BAZ1B: variants seen among roughly 807,000 people sequenced by gnomAD.
The protein encoded by BAZ1B is bromodomain adjacent to zinc finger domain 1B.
Under a neutral mutation model 153.8 loss-of-function variants are expected in BAZ1B, and 22 were observed. The observed-to-expected ratio is 0.14, with a 90% CI of 0.10 to 0.20. The LOEUF is 0.20. BAZ1B is among the 10% of genes least tolerant of loss of function. BAZ1B has a pLI of 1.00. For missense variants in BAZ1B, 1,325 were observed against 1,799.3 expected (o/e 0.74, Z 4.77); for synonymous variants, 676 against 633.4 (o/e 1.07, Z -1.01).
At chr7:73,509,859 G>A (rs921281202) in intron 2 of BAZ1B, among the ~76,000 whole-genome samples, 7 of 152,076 alleles carry the variant, frequency 4.6e-5, no homozygotes, top group African/African-American at 1.7e-4. Flanking sequence ...GGGTGCAGTG[G>A]TTCACGCCTG....
intron 3 of BAZ1B, among the ~76,000 whole-genome samples, chr7:73,501,773 G>A (rs1405368495): frequency 2.6e-5 from 4 of 151,830 alleles, no homozygotes; most frequent in Non-Finnish European, 2.9e-5. Flanking sequence ...CTTAAATGTT[G>A]CCTCCTCAGA....
intron 6 of BAZ1B, 43 bp downstream of exon 6, chr7:73,489,151 A>C (rs1554574983): frequency 6.4e-7 from 1 of 1,569,340 alleles, no homozygotes; most frequent in South Asian, 1.1e-5. Context: ...CAGAGAAATA[A>C]TGATGCTTTA....
rs1789260470 is a variant in BAZ1B at position 73,483,006 on chromosome 7, TCCCC to T, written c.892-4441_892-4438del. ...ACTTATGTGCTAACAGTGCTCCCTA[TCCCC>T]CACTCAGCACAGTTAATCTACCAGA... On this transcript the variant is annotated intron_variant, in intron 6 of 19. Coordinates refer to ENST00000339594, the MANE Select transcript of BAZ1B (RefSeq NM_032408.4). 3.9e-5 allele frequency among the ~76,000 whole-genome samples: 6 copies of T among 151,964 alleles called. No homozygotes were observed. The South Asian group carries it at 1.2e-3, about 32-fold the overall frequency.
rs1413955438 is a variant in BAZ1B at position 73,463,198 on chromosome 7, C to G, written c.3072-99G>C. 4.9e-6 allele frequency: 5 copies of G among 1,021,942 alleles called. No individual in the cohort carries two copies. The Admixed American group carries it at 1.2e-4, about 25-fold the overall frequency. The allele number at this position is 1,021,942 out of a possible 1,614,324, so 63.3% of individuals were successfully genotyped here. On this transcript the variant is annotated intron_variant, in intron 11 of 19. Transcript: ENST00000339594. ...ACATGTTTTATTTCTAGAAAACTTACTTAGATCTCTTTCACCTCTCCCTGG... is the reference window on the plus strand; with the variant it reads ...ACATGTTTTATTTCTAGAAAACTTAGTTAGATCTCTTTCACCTCTCCCTGG...
At chr7:73,494,522 A>G (rs1789797424) in intron 4 of BAZ1B, among the ~76,000 whole-genome samples, 1 of 152,228 alleles carries the variant, frequency 6.6e-6, no homozygotes, top group African/African-American at 2.4e-5. Flanking sequence ...AGGTGGGGAG[A>G]CTGCTTGAGC....
chr7:73,492,159 AT>A lies in BAZ1B; in HGVS notation c.693+640del, dbSNP rs1267887804. Reference sequence around the variant, plus strand: ...AGGCGTGCGCCACCACACCTGGCAAATTTTTTTTTGTTTTGTTTTTTGAGAA... The same window carrying A: ...AGGCGTGCGCCACCACACCTGGCAAATTTTTTTTGTTTTGTTTTTTGAGAA... On this transcript the variant is annotated intron_variant, in intron 5 of 19. Transcript: ENST00000339594. Among the ~76,000 whole-genome samples, 85 of 140,968 alleles carry A rather than the reference AT, an allele frequency of 6.0e-4. No individual in the cohort carries two copies. In the South Asian group the frequency reaches 0.013, roughly 22 times the overall value. 92.5% of individuals were successfully genotyped at this position (140,968 alleles called of 152,430 possible).
chr7:73,463,183 T>G, intron 11 of BAZ1B, 84 bp from the exon 12 acceptor site: 2 of 1,321,862 alleles, frequency 1.5e-6, no homozygotes, highest in Non-Finnish European at 1.0e-6. Flanking sequence ...ACATGTTTTA[T>G]TTCTAGAAAA....
chr7:73,475,710 G>A (rs1157924638), intron 7 of BAZ1B, among the ~76,000 whole-genome samples: 2 of 152,068 alleles, frequency 1.3e-5, no homozygotes, highest in Non-Finnish European at 2.9e-5. Flanking sequence ...TGAGGCGGGT[G>A]GATCAGGAGT....
intron 4 of BAZ1B, among the ~76,000 whole-genome samples, chr7:73,496,693 A>G (rs576406037): frequency 3.9e-5 from 6 of 152,284 alleles, no homozygotes; most frequent in Non-Finnish European, 8.8e-5. Flanking sequence ...TAGAGTCTCC[A>G]GGTCCCTAGG....
intron 5 of BAZ1B, among the ~76,000 whole-genome samples, chr7:73,489,907 A>G (rs1166463470): frequency 1.3e-5 from 2 of 152,238 alleles, no homozygotes; most frequent in African/African-American, 4.8e-5. Context: ...CCTTTCAGCA[A>G]TTCCTCTCGT....
chr7:73,498,585 A>G lies in BAZ1B; in HGVS notation c.483T>C (p.Ser161=), dbSNP rs782455299. Residue 161 remains serine, a synonymous_variant, in exon 4 of 20, where the codon AGT becomes AGC. Transcript: ENST00000339594. ...KSDGACDSPS[S]DKENSSQIAQ... Reference sequence around the variant, plus strand: ...CAATCTGACTGGAGTTCTCTTTGTCACTTGATGGAGAATCACAGGCACCAT... The same window carrying G: ...CAATCTGACTGGAGTTCTCTTTGTCGCTTGATGGAGAATCACAGGCACCAT... 6.8e-6 allele frequency: 11 copies of G among 1,613,914 alleles called. No homozygotes were observed. Among genetic ancestry groups the G allele is most frequent in the Non-Finnish European group, 9.3e-6 (11 of 1,179,996 alleles).
At chr7:73,460,512 A>C (rs1248968522) in intron 12 of BAZ1B, among the ~76,000 whole-genome samples, 3 of 152,026 alleles carry the variant, frequency 2.0e-5, no homozygotes, top group African/African-American at 7.2e-5. Flanking sequence ...TTTTAAAGAG[A>C]TAGGTCTCAC....
intron 13 of BAZ1B, among the ~76,000 whole-genome samples, chr7:73,451,354 C>T (rs1457035470): frequency 1.3e-5 from 2 of 152,214 alleles, no homozygotes. Context: ...TACCACAACA[C>T]CACCAATCCA....
At chr7:73,478,668 T>A (rs1432335374) in intron 6 of BAZ1B, 99 bp from the exon 7 acceptor site, 7 of 977,854 alleles carry the variant, frequency 7.2e-6, no homozygotes, top group Non-Finnish European at 1.0e-5. Context: ...GCTATTCAGG[T>A]AAAGCTACAT....
At position 73,452,281 on chromosome 7, in the gene BAZ1B, G is replaced by A. The variant is rs1313801047; in HGVS notation, c.3433-1287C>T. 2.0e-5 allele frequency among the ~76,000 whole-genome samples: 3 copies of A among 152,056 alleles called. No individual in the cohort carries two copies. In the East Asian group the frequency reaches 5.8e-4, roughly 29 times the overall value. On this transcript the variant is annotated intron_variant, in intron 13 of 19. Coordinates refer to ENST00000339594, the MANE Select transcript of BAZ1B (RefSeq NM_032408.4). ...TAACAGTACTTTCATCAGTTTTACT[G>A]CTGAACAATATCTCATTGAATAGAC... is the stretch of plus-strand genomic sequence containing the variant.
At chr7:73,447,630 A>G (rs1448297436) in intron 15 of BAZ1B, among the ~76,000 whole-genome samples, 2 of 152,216 alleles carry the variant, frequency 1.3e-5, no homozygotes, top group African/African-American at 4.8e-5. Context: ...ACCAAAGGCA[A>G]CAGAAATTAA....
At chr7:73,460,192 G>GAAA (rs782211272) in intron 12 of BAZ1B, among the ~76,000 whole-genome samples, 36 of 73,862 alleles carry the variant, frequency 4.9e-4, no homozygotes, top group African/African-American at 1.6e-3. Context: ...CCGTCTCAGG[G>GAAA]AAAAAAAAAA....
chr7:73,447,139 G>T, intron 16 of BAZ1B, 125 bp downstream of exon 16: 1 of 1,554,814 alleles, frequency 6.4e-7, no homozygotes, highest in Non-Finnish European at 8.8e-7. Flanking sequence ...TTACGCCACA[G>T]TCACAACACA....
At chr7:73,479,510 A>AG (rs1370880008) in intron 6 of BAZ1B, among the ~76,000 whole-genome samples, 3 of 144,214 alleles carry the variant, frequency 2.1e-5, no homozygotes, top group African/African-American at 7.7e-5. Flanking sequence ...CCCCGTCTCA[A>AG]AAAAAAAAAA....
Sources: allele counts gnomAD v4.1 joint callset (sites outside exome capture counted in the v4.1 genomes callset), GRCh38; gene constraint gnomAD v4.1.1; transcripts MANE v1.5; gene names NCBI Gene and HGNC (gene_info 2026-07-23, HGNC 2026-07-21).